AUTS2: variants seen among roughly 807,000 people sequenced by gnomAD.
AUTS2 encodes autism susceptibility gene 2 protein.
Under a neutral mutation model 112.4 loss-of-function variants are expected in AUTS2, and 17 were observed. The observed-to-expected ratio is 0.15, with a 90% CI of 0.10 to 0.23. The LOEUF (loss-of-function observed/expected upper bound fraction) is 0.23. Among genes scored for constraint, AUTS2 ranks in the 10% least tolerant of loss-of-function variants. The pLI is 1.00. For synonymous variants in AUTS2, 751 were observed against 702.7 expected, an observed-to-expected ratio of 1.07 and a Z score of -1.09; for missense variants, 1,510 against 1,701.6, an observed-to-expected ratio of 0.89 and a Z score of 1.98.
intron 4 of AUTS2, among the ~76,000 whole-genome samples, chr7:70,419,707 T>A (rs1421475978): frequency 6.6e-6 from 1 of 152,208 alleles, no homozygotes; most frequent in Non-Finnish European, 1.5e-5. Flanking sequence ...AAAATTATTT[T>A]CCAAATAGAA....
At chr7:70,353,605 C>T (rs1312968875) in intron 4 of AUTS2, among the ~76,000 whole-genome samples, 1 of 152,112 alleles carries the variant, frequency 6.6e-6, no homozygotes, top group Non-Finnish European at 1.5e-5. Context: ...CCCTGAAAGC[C>T]CCCATTACCC....
At chr7:70,774,681 A>AAGTT (rs1266469634) in intron 12 of AUTS2, 2 of 152,544 alleles carry the variant, frequency 1.3e-5, no homozygotes, top group African/African-American at 4.8e-5. Flanking sequence ...AAGGAATCTG[A>AAGTT]AGTTATACGA....
intron 5 of AUTS2, among the ~76,000 whole-genome samples, chr7:70,503,098 G>A (rs577830202): frequency 1.8e-4 from 28 of 152,202 alleles, no homozygotes; most frequent in African/African-American, 5.5e-4. Context: ...CAGGGGAAAC[G>A]AGGTAGCAGC....
rs572904351 is a variant in AUTS2 at position 70,579,462 on chromosome 7, A to T, written c.691-119107A>T. On this transcript the variant is annotated intron_variant, in intron 5 of 18. Coordinates refer to ENST00000342771, the MANE Select transcript of AUTS2 (RefSeq NM_015570.4). ...TTTTCTAAGCAATTAATTTGCTAATAAAAAAAATGGTGCTGCCCTGTTCCT... is the reference window on the plus strand; with the variant it reads ...TTTTCTAAGCAATTAATTTGCTAATTAAAAAAATGGTGCTGCCCTGTTCCT... Among the ~76,000 whole-genome samples, 211 of 151,682 alleles carry T rather than the reference A, an allele frequency of 1.4e-3. 1 individual carries two copies. The highest frequency in any genetic ancestry group is 4.7e-3 in the African/African-American group (194 of 41,400).
chr7:69,968,756 T>C (rs1053994218), intron 2 of AUTS2, among the ~76,000 whole-genome samples: 3 of 152,166 alleles, frequency 2.0e-5, no homozygotes, highest in African/African-American at 7.2e-5. Flanking sequence ...TTATACTCCT[T>C]ATGATTATAT....
chr7:69,651,205 A>G (rs888586078), intron 1 of AUTS2, among the ~76,000 whole-genome samples: 1 of 152,128 alleles, frequency 6.6e-6, no homozygotes, highest in Admixed American at 6.5e-5. Context: ...CAAACTTATG[A>G]CATCTCTGGC....
chr7:70,770,955 A>T (rs1189251783), intron 10 of AUTS2, among the ~76,000 whole-genome samples: 4 of 152,170 alleles, frequency 2.6e-5, no homozygotes, highest in Admixed American at 6.5e-5. Flanking sequence ...CCCTTTCACA[A>T]ATATTTGTCA....
chr7:70,599,177 G>T (rs577822108), intron 5 of AUTS2, among the ~76,000 whole-genome samples: 1 of 152,156 alleles, frequency 6.6e-6, no homozygotes, highest in Non-Finnish European at 1.5e-5. Context: ...CCCTGAAGCC[G>T]TACTGTAACA....
rs571979503 is a variant in AUTS2, at chr7:70,015,793, T to C, written c.523-102339T>C. On this transcript the variant is annotated intron_variant, in intron 2 of 18. Coordinates refer to ENST00000342771, the MANE Select transcript of AUTS2 (RefSeq NM_015570.4). ...CTGTTTCTGTCTGAATTTTATTCTT[T>C]AAATATTCACTTTTTTTTTTTTTTT... 2.1e-3 allele frequency among the ~76,000 whole-genome samples: 324 copies of C among 151,762 alleles called. 3 individuals carry two copies. The highest frequency in any genetic ancestry group is 4.3e-3 in the Non-Finnish European group (289 of 67,948).
chr7:70,649,816 C>T (rs1018051206), intron 5 of AUTS2, among the ~76,000 whole-genome samples: 1 of 152,082 alleles, frequency 6.6e-6, no homozygotes, highest in African/African-American at 2.4e-5. Flanking sequence ...CGTGAGCCAC[C>T]GCACCCGGCC....
chr7:70,043,545 C>T (rs1801339607), intron 2 of AUTS2, among the ~76,000 whole-genome samples: 1 of 131,092 alleles, frequency 7.6e-6, no homozygotes, highest in Non-Finnish European at 1.6e-5. Flanking sequence ...GCCTCCTTCC[C>T]TCCCTTCCTT....
chr7:70,499,244 T>G (rs1375355396), intron 5 of AUTS2, among the ~76,000 whole-genome samples: 3 of 152,124 alleles, frequency 2.0e-5, no homozygotes, highest in African/African-American at 7.2e-5. Context: ...TTGGGCCTGC[T>G]GAAGGGAAAG....
rs539574539 is a variant in AUTS2 at position 70,684,593 on chromosome 7, TTGTGGTATGGTGTGTGTGG to T, written c.691-13961_691-13943del. ...GCGTGGTATGGTGTGGCGTGGCATG[TTGTGGTATGGTGTGTGTGG>T]TGTGGTATGGTGTGGCGTGGTATGG... On this transcript the variant is annotated intron_variant, in intron 5 of 18. Transcript: ENST00000342771. Among the ~76,000 whole-genome samples the T allele has an allele frequency of 6.0e-4, 83 of 139,018 alleles. 2 individuals are homozygous for T. The highest frequency in any genetic ancestry group is 3.0e-3 in the Admixed American group (42 of 14,046). The allele number at this position is 139,018 out of a possible 152,430, so 91.2% of individuals were successfully genotyped here. A position where few individuals can be genotyped will look rare whatever the true frequency, so the allele number is the denominator to read the frequency against.
chr7:69,968,196 T>C (rs1174970725), intron 2 of AUTS2, among the ~76,000 whole-genome samples: 1 of 152,210 alleles, frequency 6.6e-6, no homozygotes, highest in Admixed American at 6.5e-5. Flanking sequence ...CTATTACCTG[T>C]TGGCTTAGAA....
chr7:69,916,583 C>T (rs1231000784), intron 2 of AUTS2, among the ~76,000 whole-genome samples: 1 of 152,016 alleles, frequency 6.6e-6, no homozygotes, highest in African/African-American at 2.4e-5. Flanking sequence ...AATGGTGGTC[C>T]CCAAATTGCT....
intron 4 of AUTS2, among the ~76,000 whole-genome samples, chr7:70,372,893 T>A (rs1488315515): frequency 2.6e-5 from 4 of 151,942 alleles, no homozygotes; most frequent in African/African-American, 4.8e-5. Flanking sequence ...GAAGAAGTCA[T>A]GGGGGAAGGG....
intron 5 of AUTS2, among the ~76,000 whole-genome samples, chr7:70,460,604 A>G (rs7779712): frequency 6.6e-6 from 1 of 151,468 alleles, no homozygotes; most frequent in African/African-American, 2.4e-5. Context: ...ACCCGCTTCA[A>G]CCTCCCAAAG....
chr7:70,772,062 T>C (rs1790383436), intron 11 of AUTS2, among the ~76,000 whole-genome samples: 1 of 152,216 alleles, frequency 6.6e-6, no homozygotes. Context: ...GAAGTGGGGA[T>C]AAAGGTTCCA....
At chr7:70,101,572 G>A (rs559794613) in intron 2 of AUTS2, among the ~76,000 whole-genome samples, 1 of 152,246 alleles carries the variant, frequency 6.6e-6, no homozygotes, top group South Asian at 2.1e-4. Context: ...GTGCATGCTT[G>A]TAATCCCAGC....
Sources: allele counts gnomAD v4.1 joint callset (sites outside exome capture counted in the v4.1 genomes callset), GRCh38; gene constraint gnomAD v4.1.1; transcripts MANE v1.5; gene names NCBI Gene and HGNC (gene_info 2026-07-23, HGNC 2026-07-21).